Variants in DNAH6 observed in about 807,000 individuals in gnomAD.
The protein encoded by DNAH6 is axonemal beta dynein heavy chain 6.
In DNAH6, 340 loss-of-function variants were observed where a neutral mutation model predicts 491.4. The observed-to-expected ratio is 0.69, with a 90% CI of 0.63 to 0.76. DNAH6 has a LOEUF of 0.76. Ranked by LOEUF, DNAH6 falls within the 30% of genes least tolerant of loss-of-function variation. The pLI, the probability that DNAH6 is intolerant of heterozygous loss-of-function variation, is 0.00. For synonymous variants in DNAH6, 1,603 were observed against 1,686.1 expected (o/e 0.95, Z 1.21); for missense variants, 4,443 against 4,972.2 (o/e 0.89, Z 3.20).
Position 84,637,209 on chromosome 2 carries a change from G to A in DNAH6, c.4654-1G>A. The A allele has an allele frequency of 6.5e-7, 1 of 1,537,014 alleles. No homozygotes were observed. The highest frequency in any genetic ancestry group is 8.8e-7 in the Non-Finnish European group (1 of 1,139,194). On this transcript the variant is annotated splice_acceptor_variant, in intron 30 of 76. Transcript: ENST00000389394. LOFTEE classifies it high-confidence loss of function. ...TTAACTTATATTTTATCTTCGAACA[G>A]CTCTCTAGATTCATGTTTGAGGGGC...
At chr2:84,660,227 A>C (rs1413910613) in intron 37 of DNAH6, among the ~76,000 whole-genome samples, 1 of 152,218 alleles carries the variant, frequency 6.6e-6, no homozygotes, top group African/African-American at 2.4e-5. Flanking sequence ...TGCATAGTAA[A>C]AAAGTGCTCA....
intron 62 of DNAH6, among the ~76,000 whole-genome samples, chr2:84,743,028 G>A (rs1180321254): frequency 1.3e-5 from 2 of 152,072 alleles, no homozygotes; most frequent in South Asian, 2.1e-4. Context: ...TTGTTTCTAT[G>A]TTATGCACCA....
In DNAH6 at chr2:84,701,137, T is replaced by C; in HGVS notation, c.7859T>C (p.Phe2620Ser). ...EALLSVSKTF[F>S]SQVDAGNEEL... ...CTTCTTTCTGTGTCAAAGACATTTT[T>C]CTCACAAGTCGATGCTGGAAATGAA... is the stretch of plus-strand genomic sequence containing the variant. The change falls in exon 49 of 77, where the codon TTC (phenylalanine) becomes TCC (serine). Residue 2620 changes from phenylalanine (F) to serine (S), a missense_variant. Phe to Ser is a radical substitution (Grantham distance 155, BLOSUM62 -2). Transcript: ENST00000389394. The C allele has an allele frequency of 6.4e-7, 1 of 1,551,906 alleles. No homozygotes were observed. Among genetic ancestry groups the C allele is most frequent in the Non-Finnish European group, 8.7e-7 (1 of 1,146,918 alleles).
intron 45 of DNAH6, among the ~76,000 whole-genome samples, chr2:84,690,728 C>T (rs1003567738): frequency 6.6e-6 from 1 of 152,126 alleles, no homozygotes; most frequent in Admixed American, 6.6e-5. Context: ...AAGAGAGGAT[C>T]AGTAGTTAGG....
At chr2:84,760,858 G>T (rs1467616105) in intron 63 of DNAH6, among the ~76,000 whole-genome samples, 1 of 152,106 alleles carries the variant, frequency 6.6e-6, no homozygotes, top group Non-Finnish European at 1.5e-5. Flanking sequence ...CAATTCACCT[G>T]CCTCGACCTC....
intron 37 of DNAH6, among the ~76,000 whole-genome samples, chr2:84,668,579 G>A (rs114006892): frequency 2.6e-5 from 4 of 152,134 alleles, no homozygotes; most frequent in African/African-American, 9.6e-5. Context: ...TGTATGCAGC[G>A]CTCTCATGCT....
At chr2:84,792,898 T>C (rs1677912588) in intron 68 of DNAH6, among the ~76,000 whole-genome samples, 1 of 152,188 alleles carries the variant, frequency 6.6e-6, no homozygotes, top group South Asian at 2.1e-4. Flanking sequence ...TAGGAGGCTT[T>C]AAATACTGGA....
Position 84,727,854 on chromosome 2 carries a change from T to C in DNAH6, c.10158T>C (p.Ser3386=). ...TGATGCGTCAGCAAGGAACCCTATC[T>C]GATGCTGAATGGAATTTCTTTCTCC... The part of the protein sequence containing the change: ...VEMMRQQGTL[S]DAEWNFFLRG... The change falls in exon 61 of 77, where the codon TCT becomes TCC. Residue 3386 remains serine (S), a synonymous_variant. Coordinates refer to ENST00000389394, the MANE Select transcript of DNAH6 (RefSeq NM_001370.2). 6 of 1,552,160 alleles carry C rather than the reference T, an allele frequency of 3.9e-6. No homozygotes were observed. Among genetic ancestry groups the C allele is most frequent in the Non-Finnish European group, 2.6e-6 (3 of 1,147,012 alleles).
intron 29 of DNAH6, 52 bp downstream of exon 29, chr2:84,625,115 C>A: frequency 7.2e-7 from 1 of 1,397,974 alleles, no homozygotes; most frequent in Non-Finnish European, 9.4e-7. Flanking sequence ...GTGTCTTTCT[C>A]TATTTGCAAC....
Position 84,621,223 on chromosome 2 carries a change from C to T in DNAH6, c.3825C>T (p.Gly1275=). The stretch of plus-strand genomic sequence containing the variant: ...TGGGGAAAGGCCTCAAGGCCCGAGG[C>T]AATGTAGAGGAATGGCTTGGTAAAG... ...VSLGKGLKAR[G]NVEEWLGKVE... The change falls in exon 25 of 77, where the codon GGC becomes GGT. Residue 1275 remains glycine, a synonymous_variant. Coordinates refer to ENST00000389394, the MANE Select transcript of DNAH6 (RefSeq NM_001370.2). 1 of 1,551,586 alleles carries T rather than the reference C, an allele frequency of 6.4e-7. No homozygotes were observed. Among genetic ancestry groups the T allele is most frequent in the Admixed American group, 2.0e-5 (1 of 50,998 alleles).
At chr2:84,704,408 C>A in intron 51 of DNAH6, 106 bp downstream of exon 51, 1 of 823,332 alleles carries the variant, frequency 1.2e-6, no homozygotes, top group Admixed American at 2.7e-5. Context: ...CTTCTCATTG[C>A]TTCAGTTGGT....
chr2:84,781,046 G>C (rs1676640181), intron 64 of DNAH6, among the ~76,000 whole-genome samples: 1 of 152,130 alleles, frequency 6.6e-6, no homozygotes, highest in Admixed American at 6.5e-5. Flanking sequence ...TGCGTTGTGA[G>C]AATTCATTGA....
chr2:84,594,892 A>G (rs1684430747), intron 17 of DNAH6, among the ~76,000 whole-genome samples: 1 of 152,210 alleles, frequency 6.6e-6, no homozygotes, highest in African/African-American at 2.4e-5. Flanking sequence ...AAAATAGAAA[A>G]TAAAAAACAA....
rs143217872 is a variant in DNAH6, at chr2:84,632,595, T to C, written c.4516-1909T>C. On this transcript the variant is annotated intron_variant, in intron 29 of 76. Transcript: ENST00000389394. ...CCACGTATGCCAGGACTTACATGTA[T>C]GCTAAGTATGAAGACCATTCCTCTA... 3.5e-3 allele frequency among the ~76,000 whole-genome samples: 526 copies of C among 152,354 alleles called. 1 individual carries two copies. The highest frequency in any genetic ancestry group is 0.011 in the African/African-American group (478 of 41,594).
intron 29 of DNAH6, among the ~76,000 whole-genome samples, chr2:84,632,659 C>A (rs1463893798): frequency 1.3e-5 from 2 of 152,178 alleles, no homozygotes; most frequent in Non-Finnish European, 2.9e-5. Flanking sequence ...GTACAGAACA[C>A]CAACTTAGTC....
At chr2:84,671,849 G>A (rs570917925) in intron 39 of DNAH6, among the ~76,000 whole-genome samples, 3 of 152,324 alleles carry the variant, frequency 2.0e-5, no homozygotes, top group South Asian at 4.1e-4. Flanking sequence ...CAGCCCCACT[G>A]CACTGGATTT....
At chr2:84,709,259 T>TA in intron 54 of DNAH6, 84 bp from the exon 55 acceptor site, 1 of 1,390,162 alleles carries the variant, frequency 7.2e-7, no homozygotes, top group Non-Finnish European at 9.9e-7. Flanking sequence ...GCCACTGACT[T>TA]ACCACTGCCC....
intron 59 of DNAH6, among the ~76,000 whole-genome samples, chr2:84,720,066 C>T (rs1027751076): frequency 3.3e-5 from 5 of 152,098 alleles, no homozygotes; most frequent in African/African-American, 9.7e-5. Flanking sequence ...ATCCAGTCTG[C>T]AGTCACCCAG....
intron 58 of DNAH6, among the ~76,000 whole-genome samples, chr2:84,717,388 C>T (rs1208653684): frequency 6.6e-6 from 1 of 152,150 alleles, no homozygotes; most frequent in Non-Finnish European, 1.5e-5. Context: ...ATGTACATAA[C>T]AAGTAAATAA....
Sources: allele counts gnomAD v4.1 joint callset (sites outside exome capture counted in the v4.1 genomes callset), GRCh38; gene constraint gnomAD v4.1.1; transcripts MANE v1.5; gene names NCBI Gene and HGNC (gene_info 2026-07-23, HGNC 2026-07-21).